The following RBFOX1 variants were observed in gnomAD, a reference collection of about 807,000 sequenced individuals.
RBFOX1 encodes the protein RNA binding fox-1 homolog 1, also known as RNA binding protein fox-1 homolog 1.
A neutral mutation model predicts 57.7 loss-of-function variants in RBFOX1; 8 were observed. That is an observed-to-expected ratio of 0.14 (90% CI 0.08 to 0.25). The LOEUF (loss-of-function observed/expected upper bound fraction) is 0.25, where lower values mean the gene tolerates loss of function less well. Among genes scored for constraint, RBFOX1 ranks in the 10% least tolerant of loss-of-function variants. The pLI is 1.00. For synonymous variants in RBFOX1, 326 were observed against 222.4 expected (o/e 1.47, Z -4.15); for missense variants, 611 against 548.5 (o/e 1.11, Z -1.14).
At chr16:5,740,603 G>T (rs950106930) in intron 3 of RBFOX1, among the ~76,000 whole-genome samples, 1 of 152,180 alleles carries the variant, frequency 6.6e-6, no homozygotes, top group African/African-American at 2.4e-5. Flanking sequence ...TCCAGGAGAA[G>T]CTGTGGCTTC....
At chr16:7,382,380 T>C (rs1292688727) in intron 4 of RBFOX1, among the ~76,000 whole-genome samples, 4 of 152,268 alleles carry the variant, frequency 2.6e-5, no homozygotes, top group Admixed American at 6.5e-5. Context: ...CTCTGGAATG[T>C]ATATTTTTCA....
In RBFOX1 at chr16:6,876,132, A is replaced by T. The variant is rs372079501; in HGVS notation, c.-15-175925A>T. ...CCGGAGATTGAGGCTGCAGTGAGCCATGATTGCACCATTGCACTCCAGCCT... is the reference window on the plus strand; with the variant it reads ...CCGGAGATTGAGGCTGCAGTGAGCCTTGATTGCACCATTGCACTCCAGCCT... On this transcript the variant is annotated intron_variant, in intron 3 of 15. Coordinates refer to ENST00000550418, the MANE Select transcript of RBFOX1 (RefSeq NM_018723.4). 6.6e-5 allele frequency among the ~76,000 whole-genome samples: 10 copies of T among 152,154 alleles called. 1 individual carries two copies. The highest frequency in any genetic ancestry group is 1.9e-4 in the East Asian group (1 of 5,152).
chr16:5,988,929 C>G (rs969951752), intron 4 of RBFOX1, among the ~76,000 whole-genome samples: 2 of 152,046 alleles, frequency 1.3e-5, no homozygotes, highest in Non-Finnish European at 2.9e-5. Flanking sequence ...TGGGCATGCT[C>G]CAAACCCTCC....
chr16:7,431,254 T>G (rs2098676861), intron 4 of RBFOX1: 1 of 152,230 alleles, frequency 6.6e-6, no homozygotes, highest in South Asian at 2.1e-4. Context: ...AGTAGGACTC[T>G]CACTGTGTTG....
intron 4 of RBFOX1, among the ~76,000 whole-genome samples, chr16:7,282,763 C>G (rs142582587): frequency 0.018 from 2,680 of 152,288 alleles, 43 homozygotes; most frequent in South Asian, 0.032. Flanking sequence ...CCCCAAAGTC[C>G]ACTGTGTCAT....
intron 6 of RBFOX1, among the ~76,000 whole-genome samples, chr16:7,585,241 C>G (rs2094038338): frequency 6.6e-6 from 1 of 152,158 alleles, no homozygotes; most frequent in African/African-American, 2.4e-5. Context: ...AAATTCAGCT[C>G]ACGTTTGAAT....
At chr16:5,664,801 C>G (rs1278973633) in intron 3 of RBFOX1, among the ~76,000 whole-genome samples, 1 of 152,106 alleles carries the variant, frequency 6.6e-6, no homozygotes, top group African/African-American at 2.4e-5. Context: ...AATGCTGCTC[C>G]TAGTTTAAAA....
intron 2 of RBFOX1, among the ~76,000 whole-genome samples, chr16:5,584,395 C>G: frequency 6.6e-6 from 1 of 152,174 alleles, no homozygotes; most frequent in East Asian, 1.9e-4. Flanking sequence ...CCTTTATCAC[C>G]AAGCTGCATC....
chr16:7,286,531 C>A (rs1025437935), intron 4 of RBFOX1, among the ~76,000 whole-genome samples: 1 of 149,914 alleles, frequency 6.7e-6, no homozygotes, highest in Non-Finnish European at 1.5e-5. Context: ...CTCACTGCAG[C>A]CTCCCCTGCC....
At chr16:7,235,582 T>C (rs566202547) in intron 4 of RBFOX1, among the ~76,000 whole-genome samples, 178 of 152,348 alleles carry the variant, frequency 1.2e-3, no homozygotes, top group African/African-American at 4.2e-3. Flanking sequence ...AGGCAGTGGC[T>C]GCGTTTGCCC....
intron 3 of RBFOX1, among the ~76,000 whole-genome samples, chr16:5,717,747 A>T (rs1024676576): frequency 1.3e-5 from 2 of 152,198 alleles, no homozygotes; most frequent in African/African-American, 4.8e-5. Context: ...ACTACCAATA[A>T]CAATAATTCT....
intron 4 of RBFOX1, among the ~76,000 whole-genome samples, chr16:7,088,520 A>C (rs1419648215): frequency 7.0e-6 from 1 of 141,900 alleles, no homozygotes; most frequent in Non-Finnish European, 1.5e-5. Context: ...CTTTCTGATA[A>C]ATACTCTGTA....
chr16:7,664,040 G>C (rs1019264600), intron 12 of RBFOX1, among the ~76,000 whole-genome samples: 3 of 152,036 alleles, frequency 2.0e-5, no homozygotes, highest in African/African-American at 7.2e-5. Context: ...TATCAGATTG[G>C]GCTTGTTCAA....
chr16:6,382,802 G>C, intron 2 of RBFOX1, among the ~76,000 whole-genome samples: 1 of 152,202 alleles, frequency 6.6e-6, no homozygotes, highest in African/African-American at 2.4e-5. Context: ...GGAGGTTGCA[G>C]TGAGCCGAGA....
At chr16:6,874,814 A>G (rs1167037476) in intron 3 of RBFOX1, among the ~76,000 whole-genome samples, 3 of 152,126 alleles carry the variant, frequency 2.0e-5, no homozygotes, top group Admixed American at 6.6e-5. Flanking sequence ...AAGACTACAT[A>G]CTGATTGGGT....
At chr16:5,306,766 G>C (rs991123635) in intron 1 of RBFOX1, among the ~76,000 whole-genome samples, 3 of 152,194 alleles carry the variant, frequency 2.0e-5, no homozygotes, top group Non-Finnish European at 4.4e-5. Context: ...TTATCTGTTA[G>C]AGTCCCAGTC....
chr16:5,239,968 G>T (rs752839141), exon 1 of RBFOX1: 4 of 1,525,310 alleles, frequency 2.6e-6, no homozygotes, highest in Non-Finnish European at 3.5e-6. Context: ...GGAGGACGAC[G>T]TCCCTCCCGA....
At chr16:7,013,772 C>G (rs927009024) in intron 3 of RBFOX1, among the ~76,000 whole-genome samples, 8 of 151,940 alleles carry the variant, frequency 5.3e-5, no homozygotes, top group South Asian at 2.1e-4. Context: ...ATCCTCTTAT[C>G]TTAGCCTCCC....
chr16:7,499,851 A>C (rs2070079325), intron 4 of RBFOX1, among the ~76,000 whole-genome samples: 1 of 152,096 alleles, frequency 6.6e-6, no homozygotes, highest in Non-Finnish European at 1.5e-5. Flanking sequence ...GTTGCACACA[A>C]TTATTGGGCC....
Sources: allele counts gnomAD v4.1 joint callset (sites outside exome capture counted in the v4.1 genomes callset), GRCh38; gene constraint gnomAD v4.1.1; transcripts MANE v1.5; gene names NCBI Gene and HGNC (gene_info 2026-07-23, HGNC 2026-07-21).